The following STXBP5L variants were observed in gnomAD, a reference collection of about 807,000 sequenced individuals.
The protein encoded by STXBP5L is syntaxin binding protein 5L.
STXBP5L carries 65 observed loss-of-function variants against 144.5 expected under a neutral mutation model. The ratio of observed to expected loss-of-function variants is 0.45; its 90% CI spans 0.37 to 0.55. The LOEUF (loss-of-function observed/expected upper bound fraction) is 0.55. Ranked by LOEUF, STXBP5L falls within the 20% of genes least tolerant of loss-of-function variation. The probability of loss-of-function intolerance (pLI) is 0.00; values close to 1 mark genes in which losing one functional copy is unlikely to be tolerated. For synonymous variants in STXBP5L, 505 were observed against 469.6 expected (o/e 1.08, Z -0.97); for missense variants, 1,298 against 1,405.5 (o/e 0.92, Z 1.22).
intron 5 of STXBP5L, among the ~76,000 whole-genome samples, chr3:121,046,287 A>T (rs1322880098): frequency 1.3e-5 from 2 of 152,026 alleles, no homozygotes; most frequent in Non-Finnish European, 2.9e-5. Context: ...GAGAATTTTT[A>T]CATCTGTGTT....
intron 22 of STXBP5L, among the ~76,000 whole-genome samples, chr3:121,395,955 A>G (rs547053875): frequency 4.6e-5 from 7 of 152,348 alleles, no homozygotes; most frequent in African/African-American, 1.4e-4. Flanking sequence ...CATCTGGCTT[A>G]TGAAAAAGTT....
intron 9 of STXBP5L, among the ~76,000 whole-genome samples, chr3:121,200,307 T>G (rs1272982183): frequency 6.6e-6 from 1 of 152,214 alleles, no homozygotes; most frequent in Non-Finnish European, 1.5e-5. Flanking sequence ...TAGTTTGTAT[T>G]TCTATGTGAT....
rs1269423261 is a variant in STXBP5L, at chr3:121,008,080, G to T, written c.288-33620G>T. ...TCATCCAGCACTTCTGCTATTTTAG[G>T]TTTCTTTCCTACTGGGTTTATGTAG... On this transcript the variant is annotated intron_variant, in intron 3 of 26. Coordinates refer to ENST00000471454, the MANE Select transcript of STXBP5L (RefSeq NM_001308330.2). 3.3e-5 allele frequency among the ~76,000 whole-genome samples: 5 copies of T among 151,694 alleles called. No individual in the cohort carries two copies. The East Asian group carries it at 9.6e-4, about 29-fold the overall frequency.
intron 26 of STXBP5L, among the ~76,000 whole-genome samples, 161 bp downstream of exon 26, chr3:121,418,718 G>A (rs2047296821): frequency 6.6e-6 from 1 of 152,080 alleles, no homozygotes; most frequent in Admixed American, 6.6e-5. Context: ...CCAGTGCTTG[G>A]GAGATAAAAG....
chr3:120,927,882 A>G (rs545734787), intron 2 of STXBP5L, among the ~76,000 whole-genome samples: 15 of 152,320 alleles, frequency 9.8e-5, no homozygotes, highest in African/African-American at 2.9e-4. Flanking sequence ...GCAAGATTAT[A>G]TATTTAGTAG....
At chr3:121,133,965 C>A (rs981985702) in intron 7 of STXBP5L, among the ~76,000 whole-genome samples, 1 of 152,170 alleles carries the variant, frequency 6.6e-6, no homozygotes, top group Non-Finnish European at 1.5e-5. Context: ...CAGTTCCCAA[C>A]CTTGACACAT....
intron 3 of STXBP5L, among the ~76,000 whole-genome samples, chr3:121,038,864 C>G (rs1303666563): frequency 6.6e-6 from 1 of 151,712 alleles, no homozygotes; most frequent in African/African-American, 2.4e-5. Context: ...CGGTAATGTT[C>G]TGTATTCTGA....
At chr3:121,125,163 G>T (rs1306785440) in intron 7 of STXBP5L, among the ~76,000 whole-genome samples, 1 of 152,022 alleles carries the variant, frequency 6.6e-6, no homozygotes, top group Non-Finnish European at 1.5e-5. Flanking sequence ...TAAAGTTAAG[G>T]TTCCTACAAA....
chr3:121,109,254 G>C (rs2043867408), intron 5 of STXBP5L, among the ~76,000 whole-genome samples: 1 of 151,884 alleles, frequency 6.6e-6, no homozygotes, highest in South Asian at 2.1e-4. Flanking sequence ...CTCTGATCTT[G>C]GTTATTTCTT....
chr3:121,358,536 A>T lies in STXBP5L; in HGVS notation c.2177-20180A>T, dbSNP rs377255180. On this transcript the variant is annotated intron_variant, in intron 20 of 26. Transcript: ENST00000471454. ...CAGATCTTGTGAGAACTCTATCATG[A>T]GGCAGCACTAGGGGGATTGTGCCAA... Among the ~76,000 whole-genome samples the T allele has an allele frequency of 7.2e-5, 11 of 152,226 alleles. No individual in the cohort carries two copies. In the South Asian group the frequency reaches 2.1e-3, roughly 29 times the overall value.
chr3:121,164,878 AG>A (rs1473667369), intron 9 of STXBP5L, among the ~76,000 whole-genome samples: 1 of 152,206 alleles, frequency 6.6e-6, no homozygotes, highest in African/African-American at 2.4e-5. Flanking sequence ...TACCAGGGGC[AG>A]GAGAGCCTGG....
At chr3:121,229,973 C>G (rs2049251146) in intron 11 of STXBP5L, among the ~76,000 whole-genome samples, 1 of 152,144 alleles carries the variant, frequency 6.6e-6, no homozygotes. Context: ...AAGGACAACC[C>G]TATTTATGTT....
chr3:121,051,843 A>T (rs904194846), intron 5 of STXBP5L, among the ~76,000 whole-genome samples: 1 of 152,234 alleles, frequency 6.6e-6, no homozygotes, highest in African/African-American at 2.4e-5. Context: ...ACCGCTAGCA[A>T]GACTAGTAAA....
chr3:121,304,670 G>A (rs1166081614), intron 19 of STXBP5L, among the ~76,000 whole-genome samples: 1 of 152,020 alleles, frequency 6.6e-6, no homozygotes, highest in Non-Finnish European at 1.5e-5. Context: ...CTGAGTGAAA[G>A]TACAAACACA....
rs925786992 is a variant in STXBP5L, at chr3:121,000,144, A to T, written c.288-41556A>T. Among the ~76,000 whole-genome samples the T allele has an allele frequency of 3.3e-5, 5 of 152,052 alleles. No individual in the cohort carries two copies. In the East Asian group the frequency reaches 9.6e-4, roughly 29 times the overall value. ...GGGTTCTCTGAATTTCCTGAATTTG[A>T]ATGTGAACCTCTCTAGTGAGGTTGG... is the stretch of plus-strand genomic sequence containing the variant. On this transcript the variant is annotated intron_variant, in intron 3 of 26. Transcript: ENST00000471454.
At chr3:121,138,594 A>G (rs908889792) in intron 7 of STXBP5L, among the ~76,000 whole-genome samples, 2 of 152,150 alleles carry the variant, frequency 1.3e-5, no homozygotes, top group African/African-American at 2.4e-5. Context: ...AGAGCCCAAC[A>G]TAAAAATCCA....
At chr3:120,953,997 G>A (rs1390257871) in intron 2 of STXBP5L, among the ~76,000 whole-genome samples, 1 of 152,076 alleles carries the variant, frequency 6.6e-6, no homozygotes, top group Non-Finnish European at 1.5e-5. Context: ...AAAGTTGAAA[G>A]AATTATATTG....
intron 9 of STXBP5L, among the ~76,000 whole-genome samples, chr3:121,197,635 T>C (rs2047972836): frequency 6.6e-6 from 1 of 152,024 alleles, no homozygotes; most frequent in South Asian, 2.1e-4. Context: ...GGTATTTGTC[T>C]TAATACTCTC....
chr3:121,294,283 T>C (rs1431344703), intron 19 of STXBP5L, among the ~76,000 whole-genome samples: 1 of 152,238 alleles, frequency 6.6e-6, no homozygotes, highest in Non-Finnish European at 1.5e-5. Flanking sequence ...CTACTGATTA[T>C]CATTCAATGT....
Sources: gnomAD v4.1 joint callset for allele counts (sites outside exome capture counted in the v4.1 genomes callset) on GRCh38, gnomAD v4.1.1 for gene constraint, MANE v1.5 for transcripts, NCBI Gene and HGNC (gene_info 2026-07-23, HGNC 2026-07-21) for gene names.